Variants in PSMG2 observed in about 807,000 individuals in gnomAD.
PSMG2 encodes proteasome assembly chaperone 2, also known as CD40 ligand-activated specific transcript 3.
A neutral mutation model predicts 31.5 loss-of-function variants in PSMG2; 21 were observed. That is an observed-to-expected ratio of 0.67 (90% CI 0.47 to 0.96). The LOEUF (loss-of-function observed/expected upper bound fraction) is 0.96, where lower values mean the gene tolerates loss of function less well. Among genes scored for constraint, PSMG2 ranks in the 40% least tolerant of loss-of-function variants. The pLI is 0.00. For synonymous variants in PSMG2, 120 were observed against 110.4 expected (o/e 1.09, Z -0.54); for missense variants, 318 against 321.2 (o/e 0.99, Z 0.08).
Position 12,725,520 on chromosome 18 carries a change from G to A in PSMG2, c.784G>A (p.Ala262Thr), listed in dbSNP as rs372178016. Residue 262 changes from alanine to threonine, a missense_variant, in exon 7 of 7, where the codon GCA (alanine) becomes ACA (threonine). Transcript: ENST00000317615. The stretch of plus-strand genomic sequence containing the variant: ...ACTCTTTGGCAGTGGTCTTCCCCCT[G>A]CACTTTTCTGATCTAATTTCTGTTT... ...RLLFGSGLPP[A>T]LF 4.7e-5 allele frequency: 75 copies of A among 1,589,224 alleles called. No homozygotes were observed. The highest frequency in any genetic ancestry group is 1.3e-4 in the African/African-American group (10 of 74,300).
At chr18:12,702,777 G>A (rs193179638), upstream of PSMG2, 801 of 580,732 alleles carry the variant, frequency 1.4e-3, 5 homozygotes, top group East Asian at 0.012. Flanking sequence ...GGACAAACAG[G>A]GCTTGGGGCT....
chr18:12,693,328 G>A (rs1275627603), intron 1 of PSMG2, among the ~76,000 whole-genome samples: 6 of 152,086 alleles, frequency 3.9e-5, no homozygotes, highest in African/African-American at 1.4e-4. Flanking sequence ...GGAGGCTGAG[G>A]CAGGTGGATT....
intron 1 of PSMG2, among the ~76,000 whole-genome samples, chr18:12,675,383 G>A (rs1036761321): frequency 5.9e-5 from 9 of 152,028 alleles, no homozygotes; most frequent in South Asian, 2.1e-4. Context: ...GCAACAGAGC[G>A]AGACTCTGTC....
At chr18:12,714,168 A>G (rs1216492015) in intron 3 of PSMG2, among the ~76,000 whole-genome samples, 1 of 152,248 alleles carries the variant, frequency 6.6e-6, no homozygotes, top group Non-Finnish European at 1.5e-5. Flanking sequence ...CACTAGCTAC[A>G]TGTAACTATT....
At chr18:12,699,074 T>C (rs901680258), upstream of PSMG2, 1 of 1,614,010 alleles carries the variant, frequency 6.2e-7, no homozygotes, top group Non-Finnish European at 8.5e-7. Flanking sequence ...TTGGTTTCGA[T>C]AATGTAAACA....
chr18:12,678,206 G>A lies in PSMG2; in HGVS notation c.-37+19433G>A. ...GGATGCACACAGAGGTGGAAAGGGAGGAAGGGATGTTGTAGCTCCAGGAGC... is the reference window on the plus strand; with the variant it reads ...GGATGCACACAGAGGTGGAAAGGGAAGAAGGGATGTTGTAGCTCCAGGAGC... On this transcript the variant is annotated intron_variant, in intron 1 of 6. Coordinates refer to the PSMG2 transcript ENST00000585331. The A allele has an allele frequency of 6.2e-7, 1 of 1,614,172 alleles. No individual in the cohort carries two copies. Among genetic ancestry groups the A allele is most frequent in the Non-Finnish European group, 8.5e-7 (1 of 1,180,020 alleles).
chr18:12,675,099 A>T (rs1449032445), intron 1 of PSMG2, among the ~76,000 whole-genome samples: 4 of 111,136 alleles, frequency 3.6e-5, no homozygotes, highest in Non-Finnish European at 8.5e-5. Flanking sequence ...TATTTTACTT[A>T]ACTTTAAAGA....
chr18:12,700,809 C>T, upstream of PSMG2: 1 of 580,522 alleles, frequency 1.7e-6, no homozygotes, highest in South Asian at 2.5e-5. Flanking sequence ...GCAGAGCTAG[C>T]CTATACTTGA....
chr18:12,699,055 A>T, upstream of PSMG2: 1 of 1,614,138 alleles, frequency 6.2e-7, no homozygotes, highest in Non-Finnish European at 8.5e-7. Context: ...CAGGTTTAGA[A>T]CGAAAACGTT....
chr18:12,698,970 G>A (rs374092677), upstream of PSMG2: 4 of 1,575,210 alleles, frequency 2.5e-6, no homozygotes, highest in Non-Finnish European at 3.5e-6. Context: ...ATTTATTACT[G>A]TTTCTTACCC....
chr18:12,695,130 G>C, intron 1 of PSMG2: 1 of 456,842 alleles, frequency 2.2e-6, no homozygotes, highest in Middle Eastern at 5.9e-4. Flanking sequence ...GTGAACCTTT[G>C]AGTGCTAATC....
rs547835291 is a variant in PSMG2, at chr18:12,684,063, C to T, written c.-36-22487C>T. Among the ~76,000 whole-genome samples the T allele has an allele frequency of 6.6e-5, 10 of 151,280 alleles. No homozygotes were observed. The South Asian group carries it at 2.1e-3, about 32-fold the overall frequency. ...TTTTTGAGACAGAGTCTTGCTCTGT[C>T]GTCCAGTTTGGAGTGCAGTGGCGCG... On this transcript the variant is annotated intron_variant, in intron 1 of 6. Coordinates refer to the PSMG2 transcript ENST00000585331.
chr18:12,684,672 G>A (rs377619258), intron 1 of PSMG2: 45 of 151,718 alleles, frequency 3.0e-4, no homozygotes, highest in African/African-American at 1.0e-3. Flanking sequence ...CAGTAGAGAT[G>A]GAGTTTCTCC....
At chr18:12,664,698 C>CTTT (rs76222169) in intron 1 of PSMG2, among the ~76,000 whole-genome samples, 1 of 137,618 alleles carries the variant, frequency 7.3e-6, no homozygotes, top group Non-Finnish European at 1.6e-5. Context: ...TTGTCCTGAT[C>CTTT]TTTTTTTTTT....
chr18:12,674,431 G>C, intron 1 of PSMG2: 1 of 774,770 alleles, frequency 1.3e-6, no homozygotes, highest in Non-Finnish European at 2.0e-6. Flanking sequence ...AGCAGAGCAA[G>C]ACCTTGAGTT....
upstream of PSMG2, chr18:12,699,236 G>C: frequency 7.2e-7 from 1 of 1,387,682 alleles, no homozygotes; most frequent in Non-Finnish European, 1.0e-6. Flanking sequence ...TGAGGAAACT[G>C]CCAAATAACT....
At chr18:12,672,867 A>G (rs2038982687) in intron 1 of PSMG2, 4 of 985,476 alleles carry the variant, frequency 4.1e-6, no homozygotes, top group Non-Finnish European at 4.8e-6. Context: ...AGGACCACGA[A>G]TAAACCACAA....
intron 5 of PSMG2, among the ~76,000 whole-genome samples, chr18:12,721,422 ATATT>A (rs1360087812): frequency 2.6e-5 from 4 of 152,184 alleles, no homozygotes; most frequent in African/African-American, 4.8e-5. Context: ...CATTTTAACT[ATATT>A]TAAGCGTACA....
At chr18:12,697,833 G>A (rs1460092546) in intron 1 of PSMG2, among the ~76,000 whole-genome samples, 1 of 152,064 alleles carries the variant, frequency 6.6e-6, no homozygotes, top group Non-Finnish European at 1.5e-5. Context: ...ATCGAATCTA[G>A]CAATTTATCC....
Sources: gnomAD v4.1 joint callset for allele counts (sites outside exome capture counted in the v4.1 genomes callset) on GRCh38, gnomAD v4.1.1 for gene constraint, MANE v1.5 for transcripts, NCBI Gene and HGNC (gene_info 2026-07-23, HGNC 2026-07-21) for gene names.